Variants in ZPLD1 observed in about 807,000 individuals in gnomAD.
ZPLD1 encodes the protein zona pellucida-like domain-containing protein 1.
ZPLD1 carries 34 observed loss-of-function variants against 47.2 expected under a neutral mutation model. The observed-to-expected ratio is 0.72, with a 90% CI of 0.55 to 0.96. ZPLD1 has a LOEUF of 0.96. Among genes scored for constraint, ZPLD1 ranks in the 40% least tolerant of loss-of-function variants. The pLI, the probability that ZPLD1 is intolerant of heterozygous loss-of-function variation, is 0.00. For synonymous variants in ZPLD1, 176 were observed against 186.2 expected (o/e 0.95, Z 0.45); for missense variants, 512 against 505.8 (o/e 1.01, Z -0.12).
chr3:102,432,610 C>A (rs999707785), upstream of ZPLD1, among the ~76,000 whole-genome samples: 1 of 152,108 alleles, frequency 6.6e-6, no homozygotes, highest in African/African-American at 2.4e-5. Flanking sequence ...AAGGCACTTT[C>A]GAACATGTTC....
At chr3:102,399,729 C>A (rs144847281) in intron 7 of ZPLD1, among the ~76,000 whole-genome samples, 3 of 151,788 alleles carry the variant, frequency 2.0e-5, no homozygotes, top group African/African-American at 4.8e-5. Context: ...TTTTTAGGAA[C>A]CATTTTTTGA....
intron 6 of ZPLD1, among the ~76,000 whole-genome samples, chr3:102,390,630 A>T (rs748252125): frequency 6.6e-6 from 1 of 152,178 alleles, no homozygotes; most frequent in African/African-American, 2.4e-5. Flanking sequence ...CTCGACAAAC[A>T]TGAAGTGCAT....
intron 4 of ZPLD1, among the ~76,000 whole-genome samples, chr3:102,455,882 C>G (rs1299725720): frequency 6.6e-6 from 1 of 152,056 alleles, no homozygotes; most frequent in Non-Finnish European, 1.5e-5. Flanking sequence ...TTTTTTTCAG[C>G]CATGCCAGAG....
chr3:102,389,343 A>G (rs893932531), intron 6 of ZPLD1, among the ~76,000 whole-genome samples: 2 of 152,218 alleles, frequency 1.3e-5, no homozygotes, highest in Admixed American at 1.3e-4. Context: ...AAACTCTAAA[A>G]TGAATTCATT....
intron 7 of ZPLD1, among the ~76,000 whole-genome samples, chr3:102,410,788 T>G (rs951166951): frequency 2.0e-5 from 3 of 151,766 alleles, no homozygotes; most frequent in African/African-American, 7.2e-5. Context: ...GGAATCCAAA[T>G]CTTGAATGGA....
intron 10 of ZPLD1, among the ~76,000 whole-genome samples, chr3:102,473,435 C>G (rs1707713768): frequency 6.6e-6 from 1 of 152,112 alleles, no homozygotes; most frequent in Non-Finnish European, 1.5e-5. Flanking sequence ...CAATTTTCAA[C>G]CAGTTTCCAC....
chr3:102,394,790 T>C (rs945798695), intron 7 of ZPLD1, among the ~76,000 whole-genome samples: 3 of 152,148 alleles, frequency 2.0e-5, no homozygotes, highest in Admixed American at 1.3e-4. Flanking sequence ...TGCAAATTTC[T>C]CAGTCCTACA....
upstream of ZPLD1, among the ~76,000 whole-genome samples, chr3:102,432,252 C>A (rs1473181358): frequency 6.6e-6 from 1 of 152,158 alleles, no homozygotes; most frequent in Non-Finnish European, 1.5e-5. Context: ...GGGTATGAGG[C>A]CATGCCCCTA....
intron 4 of ZPLD1, among the ~76,000 whole-genome samples, chr3:102,455,970 A>G (rs539700253): frequency 6.6e-6 from 1 of 152,298 alleles, no homozygotes; most frequent in Admixed American, 6.5e-5. Flanking sequence ...TCTTTTTTAT[A>G]AAGTATGAGT....
chr3:102,462,172 G>A (rs1463463610), intron 6 of ZPLD1, 109 bp from the exon 7 acceptor site: 1 of 649,526 alleles, frequency 1.5e-6, no homozygotes, highest in Non-Finnish European at 2.5e-6. Flanking sequence ...GATTCTGTAG[G>A]TTTATGTTGA....
At chr3:102,466,125 T>C (rs1445959893) in intron 8 of ZPLD1, among the ~76,000 whole-genome samples, 1 of 152,176 alleles carries the variant, frequency 6.6e-6, no homozygotes, top group East Asian at 1.9e-4. Context: ...AGGCAGGGGC[T>C]CTGTCCTTGG....
rs1183747070 is a variant in ZPLD1 at position 102,387,653 on chromosome 3, T to C, written c.-213+2336T>C. 2.6e-5 allele frequency among the ~76,000 whole-genome samples: 4 copies of C among 152,300 alleles called. No individual in the cohort carries two copies. In the East Asian group the frequency reaches 7.7e-4, roughly 29 times the overall value. On this transcript the variant is annotated intron_variant, in intron 6 of 17. Transcript: ENST00000491959. ...ATTGCTTTTTAGCATCCAGTATTTA[T>C]GGTTAAGTCTTCTGTTGGTCATTTT... is the stretch of plus-strand genomic sequence containing the variant.
chr3:102,406,247 TC>T (rs966288636), intron 7 of ZPLD1, among the ~76,000 whole-genome samples: 1 of 151,934 alleles, frequency 6.6e-6, no homozygotes, highest in African/African-American at 2.4e-5. Flanking sequence ...GCATCCTTCT[TC>T]ACTATAGAAA....
chr3:102,416,607 A>T (rs1395336627), intron 7 of ZPLD1, among the ~76,000 whole-genome samples: 1 of 151,956 alleles, frequency 6.6e-6, no homozygotes, highest in Non-Finnish European at 1.5e-5. Context: ...AAAAAAGTTT[A>T]TCATGATCAC....
chr3:102,401,249 A>G (rs774798906), intron 7 of ZPLD1, among the ~76,000 whole-genome samples: 8 of 152,022 alleles, frequency 5.3e-5, no homozygotes, highest in Non-Finnish European at 1.0e-4. Context: ...ACACACATAT[A>G]TATGTATGTG....
intron 7 of ZPLD1, among the ~76,000 whole-genome samples, chr3:102,394,343 A>G (rs879534358): frequency 1.3e-5 from 2 of 152,182 alleles, no homozygotes; most frequent in Admixed American, 6.6e-5. Flanking sequence ...AAACACCCAC[A>G]GTACACAGAT....
chr3:102,446,823 C>T (rs1349731521), intron 3 of ZPLD1, among the ~76,000 whole-genome samples: 1 of 152,136 alleles, frequency 6.6e-6, no homozygotes, highest in Non-Finnish European at 1.5e-5. Flanking sequence ...TAATTGCTTA[C>T]TTTTCTTCTG....
At chr3:102,392,078 C>T (rs149561311) in intron 6 of ZPLD1, 36 of 152,206 alleles carry the variant, frequency 2.4e-4, no homozygotes, top group Middle Eastern at 3.4e-3. Context: ...CTTACAAAGA[C>T]GAAAATATTT....
intron 7 of ZPLD1, among the ~76,000 whole-genome samples, chr3:102,407,919 T>C (rs1206291054): frequency 6.6e-6 from 1 of 151,810 alleles, no homozygotes; most frequent in East Asian, 1.9e-4. Context: ...ACTCTAAATA[T>C]ACTGGGTTTG....
Sources: gnomAD v4.1 joint callset for allele counts (sites outside exome capture counted in the v4.1 genomes callset) on GRCh38, gnomAD v4.1.1 for gene constraint, MANE v1.5 for transcripts, NCBI Gene and HGNC (gene_info 2026-07-23, HGNC 2026-07-21) for gene names.